Variants in GSR observed in about 807,000 individuals in gnomAD.
GSR encodes the protein glutathione-disulfide reductase.
A neutral mutation model predicts 56.5 loss-of-function variants in GSR; 48 were observed. That is an observed-to-expected ratio of 0.85 (90% confidence interval 0.67 to 1.08). The LOEUF is 1.08. GSR is among the 50% of genes least tolerant of loss of function. The probability of loss-of-function intolerance (pLI) is 0.00; values close to 1 mark genes in which losing one functional copy is unlikely to be tolerated. For synonymous variants in GSR, 264 were observed against 270.8 expected (o/e 0.97, Z 0.25); for missense variants, 694 against 703.3 (o/e 0.99, Z 0.15).
chr8:30,679,885 A>C (rs554036768), intron 12 of GSR, among the ~76,000 whole-genome samples: 1 of 151,598 alleles, frequency 6.6e-6, no homozygotes, highest in African/African-American at 2.4e-5. Flanking sequence ...TTGTATTTTT[A>C]GCAGAGAGAG....
chr8:30,691,397 T>C (rs1276437999), intron 8 of GSR, among the ~76,000 whole-genome samples: 1 of 146,642 alleles, frequency 6.8e-6, no homozygotes, highest in Admixed American at 6.8e-5. Flanking sequence ...CCAAGAAAGA[T>C]AGGCTGGGCA....
At position 30,727,804 on chromosome 8, in the gene GSR, C is replaced by G; in HGVS notation, c.32G>C (p.Gly11Ala). Residue 11 changes from glycine to alanine, a missense_variant, in exon 1 of 13, where the codon GGC becomes GCC. By Grantham distance (60) the Gly-to-Ala change is moderately conservative (BLOSUM62 0). Transcript: ENST00000221130. MALLPRALSA[G>A]AGPSWRRAAR... is the part of the protein sequence containing the mutation. The stretch of plus-strand genomic sequence containing the variant: ...CGCCCGCCGCCAGCTCGGTCCCGCG[C>G]CGGCGCTCAGGGCTCGGGGCAGCAG... 1 of 1,311,910 alleles carries G rather than the reference C, an allele frequency of 7.6e-7. No homozygotes were observed. The highest frequency in any genetic ancestry group is 9.7e-7 in the Non-Finnish European group (1 of 1,032,504). The allele number at this position is 1,311,910 out of a possible 1,614,324, so 81.3% of individuals were successfully genotyped here. A position where few individuals can be genotyped will look rare whatever the true frequency, so the allele number is the denominator to read the frequency against.
intron 1 of GSR, 86 bp downstream of exon 1, chr8:30,727,444 G>C (rs1804770570): frequency 8.0e-7 from 1 of 1,257,280 alleles, no homozygotes; most frequent in Non-Finnish European, 1.1e-6. Context: ...CGGGGGACAG[G>C]ATCGCCATAG....
At chr8:30,721,521 C>T (rs984902999) in intron 1 of GSR, among the ~76,000 whole-genome samples, 5 of 151,924 alleles carry the variant, frequency 3.3e-5, no homozygotes, top group African/African-American at 7.3e-5. Context: ...GGTGTGGTGG[C>T]GGGCACCTGT....
chr8:30,712,632 A>G (rs1381917751), intron 1 of GSR, among the ~76,000 whole-genome samples: 2 of 152,206 alleles, frequency 1.3e-5, no homozygotes, highest in Admixed American at 6.6e-5. Flanking sequence ...CATGATCATG[A>G]TCATGCCACT....
At chr8:30,691,726 A>C (rs1803384279) in intron 8 of GSR, among the ~76,000 whole-genome samples, 1 of 152,080 alleles carries the variant, frequency 6.6e-6, no homozygotes, top group African/African-American at 2.4e-5. Flanking sequence ...TTTCCTAAAA[A>C]ATAAATATAA....
Position 30,693,069 on chromosome 8 carries a change from T to G in GSR, c.796-14A>C, listed in dbSNP as rs933813037. 3 of 1,505,278 alleles carry G rather than the reference T, an allele frequency of 2.0e-6. No homozygotes were observed. In the Admixed American group the frequency reaches 5.0e-5, roughly 25 times the overall value. 93.2% of individuals were successfully genotyped at this position (1,505,278 alleles called of 1,614,324 possible). On this transcript the variant is annotated splice_polypyrimidine_tract_variant and intron_variant, in intron 7 of 12. Coordinates refer to ENST00000221130, the MANE Select transcript of GSR (RefSeq NM_000637.5). ...ACTTCTAAGTACCTGCATATCAACA[T>G]AGGGATGGGTAATGCGAGAGGAAGA...
At chr8:30,683,829 T>C (rs536772527) in intron 10 of GSR, among the ~76,000 whole-genome samples, 30 of 152,136 alleles carry the variant, frequency 2.0e-4, no homozygotes, top group African/African-American at 6.5e-4. Context: ...AGCACAAGTC[T>C]GCTCCTAAGA....
intron 8 of GSR, among the ~76,000 whole-genome samples, chr8:30,692,181 G>GT (rs71206278): frequency 1 from 129,852 of 129,874 alleles, 64,915 homozygotes; most frequent in Middle Eastern, 1. Context: ...CTTCAAGGCT[G>GT]AATGTAAAAT....
rs756429594 is a variant in GSR, at chr8:30,684,095, AAGAAG to A, written c.1141_1145del (p.Leu381TyrfsTer17). 4 of 1,541,088 alleles carry A rather than the reference AAGAAG, an allele frequency of 2.6e-6. No individual in the cohort carries two copies. The highest frequency in any genetic ancestry group is 3.6e-6 in the Non-Finnish European group (4 of 1,113,370). On this transcript the variant is annotated frameshift_variant, in exon 10 of 13. Transcript: ENST00000221130. LOFTEE classifies it high-confidence loss of function. ...GAAGGGAAGAGACCTTACCTGGAGTAAGAAGAGCTTTTCCACATACATCCCCAACT... is the reference window on the plus strand; with the variant it reads ...GAAGGGAAGAGACCTTACCTGGAGTAAGCTTTTCCACATACATCCCCAACT...
chr8:30,682,124 C>G, intron 10 of GSR, 63 bp from the exon 11 acceptor site: 1 of 1,350,882 alleles, frequency 7.4e-7, no homozygotes. Flanking sequence ...CTAAATTGTT[C>G]CACTAGCCAT....
At position 30,684,183 on chromosome 8, in the gene GSR, T is replaced by A. The variant is rs142894227; in HGVS notation, c.1058A>T (p.Asp353Val). The stretch of plus-strand genomic sequence containing the variant: ...TTCGTCTACGATGATATGACCCTTG[T>A]CATCGGTTTGAATCCCCTAAAATTA... ...SLNKLGIQTD[D>V]KGHIIVDEFQ... The change falls in exon 10 of 13, where the codon GAC becomes GTC. Residue 353 changes from aspartate to valine, a missense_variant. Asp to Val is a radical substitution (Grantham distance 152). Coordinates refer to ENST00000221130, the MANE Select transcript of GSR (RefSeq NM_000637.5). The A allele has an allele frequency of 6.2e-7, 1 of 1,600,496 alleles. No individual in the cohort carries two copies. Among genetic ancestry groups the A allele is most frequent in the African/African-American group, 1.3e-5 (1 of 74,722 alleles).
chr8:30,727,352 G>C (rs1168514284), intron 1 of GSR, among the ~76,000 whole-genome samples, 178 bp downstream of exon 1: 2 of 152,232 alleles, frequency 1.3e-5, no homozygotes, highest in Non-Finnish European at 2.9e-5. Flanking sequence ...GAAGCCCCCG[G>C]ACGCCTCTCT....
intron 9 of GSR, among the ~76,000 whole-genome samples, chr8:30,687,173 T>G (rs184700226): frequency 6.1e-4 from 93 of 152,170 alleles, no homozygotes; most frequent in African/African-American, 2.1e-3. Context: ...GCAATTAATT[T>G]TACTAAATGT....
rs1802833844 is a variant in GSR at position 30,678,796 on chromosome 8, A to C, written c.*724T>G. 1 of 152,250 alleles carries C rather than the reference A, an allele frequency of 6.6e-6. No individual in the cohort carries two copies. Among genetic ancestry groups the C allele is most frequent in the Non-Finnish European group, 1.5e-5 (1 of 68,096 alleles). The allele number at this position is 152,250 out of a possible 1,614,324, so 9.4% of individuals were successfully genotyped here. A position where few individuals can be genotyped will look rare whatever the true frequency, so the allele number is the denominator to read the frequency against. On this transcript the variant is annotated 3_prime_UTR_variant, in exon 13 of 13. Transcript: ENST00000221130. ...GCAGAGCACAGTACTGGCTTCAAAA[A>C]ATATATAAAGGTTCTGTGCACTGGC...
chr8:30,710,899 C>T (rs1040414871), intron 2 of GSR, among the ~76,000 whole-genome samples: 1 of 151,656 alleles, frequency 6.6e-6, no homozygotes, highest in Non-Finnish European at 1.5e-5. Flanking sequence ...AAAAAATAAA[C>T]TTGTACCAAT....
intron 9 of GSR, among the ~76,000 whole-genome samples, chr8:30,684,924 CATACATTTATTTATTT>C: frequency 6.9e-6 from 1 of 145,586 alleles, no homozygotes; most frequent in Middle Eastern, 3.5e-3. Context: ...AATTTTTTAA[CATACATTTATTTATTT>C]ATTTATTTAT....
chr8:30,681,087 C>G (rs759916532), intron 11 of GSR, 50 bp from the exon 12 acceptor site: 7 of 1,470,886 alleles, frequency 4.8e-6, no homozygotes, highest in South Asian at 1.1e-5. Flanking sequence ...AACAATTACA[C>G]TGAACTATCA....
At chr8:30,688,709 G>A (rs996303771) in intron 9 of GSR, among the ~76,000 whole-genome samples, 1 of 150,796 alleles carries the variant, frequency 6.6e-6, no homozygotes, top group Admixed American at 6.6e-5. Context: ...CGAATCGCTT[G>A]AGCCGAGGAG....
Sources: allele counts gnomAD v4.1 joint callset (sites outside exome capture counted in the v4.1 genomes callset), GRCh38; gene constraint gnomAD v4.1.1; transcripts MANE v1.5; gene names NCBI Gene and HGNC (gene_info 2026-07-23, HGNC 2026-07-21).